TIMD4: variants seen among roughly 807,000 people sequenced by gnomAD.
The protein encoded by TIMD4 is T cell immunoglobulin and mucin domain containing 4.
In TIMD4, 31 loss-of-function variants were observed where a neutral mutation model predicts 41.2. The observed-to-expected ratio is 0.75, with a 90% CI of 0.57 to 1.01. The LOEUF (loss-of-function observed/expected upper bound fraction) is 1.01. TIMD4 is among the 50% of genes least tolerant of loss of function. The probability of loss-of-function intolerance (pLI) is 0.00; values close to 1 mark genes in which losing one functional copy is unlikely to be tolerated. For missense variants in TIMD4, 479 were observed against 472.5 expected (o/e 1.01, Z -0.13); for synonymous variants, 204 against 177.1 (o/e 1.15, Z -1.21).
Position 156,926,286 on chromosome 5 carries a change from T to TACAG in TIMD4, c.870_871insCTGT (p.Asn291LeufsTer2). On this transcript the variant is annotated frameshift_variant, in exon 6 of 9. Transcript: ENST00000274532. LOFTEE classifies it high-confidence loss of function. Reference sequence around the variant, plus strand: ...ACCTGTCCTGTTTTTGTTGTTTTGTTCTGCTCAGGAACTGCTGTATCAGAT... The same window carrying TACAG: ...ACCTGTCCTGTTTTTGTTGTTTTGTTACAGCTGCTCAGGAACTGCTGTATCAGAT... The TACAG allele has an allele frequency of 6.2e-7, 1 of 1,613,738 alleles. No homozygotes were observed. The highest frequency in any genetic ancestry group is 1.3e-5 in the African/African-American group (1 of 75,046).
chr5:156,919,466 A>T lies in TIMD4; in HGVS notation c.1128T>A (p.Phe376Leu), dbSNP rs1759195326. The T allele has an allele frequency of 6.2e-7, 1 of 1,613,790 alleles. No homozygotes were observed. The highest frequency in any genetic ancestry group is 1.3e-5 in the African/African-American group (1 of 74,940). ...ACATGCTACTGCGTTGTTAGAGGGT[A>T]AAAAGGCCGTCTTCGTCTTCCCTTC... The part of the protein sequence containing the change: ...QHGREDEDGL[F>L]TL The change falls in exon 9 of 9, where the codon TTT (phenylalanine) becomes TTA (leucine). Residue 376 changes from phenylalanine (F) to leucine (L), a missense_variant. Coordinates refer to ENST00000274532, the MANE Select transcript of TIMD4 (RefSeq NM_138379.3).
intron 5 of TIMD4, among the ~76,000 whole-genome samples, chr5:156,946,641 T>G (rs1188506251): frequency 6.6e-6 from 1 of 151,382 alleles, no homozygotes; most frequent in African/African-American, 2.4e-5. Flanking sequence ...CACGTCCACC[T>G]AATTTTTTTG....
rs150158171 is a variant in TIMD4 at position 156,928,490 on chromosome 5, G to A, written c.845-2178C>T. 4.0e-3 allele frequency among the ~76,000 whole-genome samples: 615 copies of A among 152,296 alleles called. 7 individuals are homozygous for A. The highest frequency in any genetic ancestry group is 0.013 in the African/African-American group (541 of 41,568). ...AAGGAAGAAAACATCCAGGAGGGATGTAAAGTCATATGTACAATAAAGTCT... is the reference window on the plus strand; with the variant it reads ...AAGGAAGAAAACATCCAGGAGGGATATAAAGTCATATGTACAATAAAGTCT... On this transcript the variant is annotated intron_variant, in intron 5 of 8. Coordinates refer to ENST00000274532, the MANE Select transcript of TIMD4 (RefSeq NM_138379.3).
Position 156,943,333 on chromosome 5 carries a change from C to T in TIMD4, c.844+5083G>A, listed in dbSNP as rs1264467025. Among the ~76,000 whole-genome samples, 7 of 152,318 alleles carry T rather than the reference C, an allele frequency of 4.6e-5. No individual in the cohort carries two copies. In the East Asian group the frequency reaches 9.6e-4, roughly 21 times the overall value. On this transcript the variant is annotated intron_variant, in intron 5 of 8. Coordinates refer to ENST00000274532, the MANE Select transcript of TIMD4 (RefSeq NM_138379.3). ...ACTTAACAGCCCTATACAATAAGTA[C>T]TACCGTTATCCCCATTTTACATTTT...
Position 156,944,370 on chromosome 5 carries a change from G to A in TIMD4, c.844+4046C>T, listed in dbSNP as rs537299463. ...TACAATTATGCATATCATTTCAGGAGGGTCATGCCCTTCCTGCAAGAAGCT... is the reference window on the plus strand; with the variant it reads ...TACAATTATGCATATCATTTCAGGAAGGTCATGCCCTTCCTGCAAGAAGCT... On this transcript the variant is annotated intron_variant, in intron 5 of 8. Transcript: ENST00000274532. 3.9e-5 allele frequency among the ~76,000 whole-genome samples: 6 copies of A among 152,278 alleles called. No homozygotes were observed. The South Asian group carries it at 8.3e-4, about 21-fold the overall frequency.
At chr5:156,926,116 G>A (rs1276001340) in intron 6 of TIMD4, 147 bp downstream of exon 6, 4 of 719,198 alleles carry the variant, frequency 5.6e-6, no homozygotes, top group Non-Finnish European at 9.0e-6. Flanking sequence ...GTTGGCCAGG[G>A]TGATCTCAAA....
intron 5 of TIMD4, among the ~76,000 whole-genome samples, chr5:156,929,229 CTG>C (rs1283809545): frequency 3.9e-5 from 6 of 152,200 alleles, no homozygotes; most frequent in Non-Finnish European, 7.3e-5. Flanking sequence ...TCCAGGTTGT[CTG>C]TGTTCCCCCA....
At chr5:156,920,248 A>G (rs1403796370) in intron 8 of TIMD4, among the ~76,000 whole-genome samples, 3 of 152,130 alleles carry the variant, frequency 2.0e-5, no homozygotes, top group Non-Finnish European at 4.4e-5. Flanking sequence ...TATTAATCCC[A>G]CCTGCCTTGG....
In TIMD4 at chr5:156,922,178, G is replaced by A. The variant is rs144013769; in HGVS notation, c.933C>T (p.Pro311=). The change falls in exon 7 of 9, where the codon CCC becomes CCT. Residue 311 remains proline (P), a synonymous_variant. Coordinates refer to ENST00000274532, the MANE Select transcript of TIMD4 (RefSeq NM_138379.3). The stretch of plus-strand genomic sequence containing the variant: ...CGATGATCATCAGTAGTTGGGAGAT[G>A]GGCATTTCATTCTTCATTGACATGG... ...GIPMSMKNEM[P]ISQLLMIIAP... 12 of 1,613,972 alleles carry A rather than the reference G, an allele frequency of 7.4e-6. No individual in the cohort carries two copies. The highest frequency in any genetic ancestry group is 1.0e-5 in the Non-Finnish European group (12 of 1,179,938).
rs79128699 is a variant in TIMD4, at chr5:156,936,398, T to C, written c.845-10086A>G. Among the ~76,000 whole-genome samples the C allele has an allele frequency of 2.3e-3, 353 of 152,306 alleles. 2 individuals carry two copies. Among genetic ancestry groups the C allele is most frequent in the African/African-American group, 8.3e-3 (343 of 41,572 alleles). Reference sequence around the variant, plus strand: ...CATGCCAAGTACAATGTGAAGTACTTCTCATGTTCTTAGTTAATTCTCAGA... The same window carrying C: ...CATGCCAAGTACAATGTGAAGTACTCCTCATGTTCTTAGTTAATTCTCAGA... On this transcript the variant is annotated intron_variant, in intron 5 of 8. Transcript: ENST00000274532.
At chr5:156,925,818 T>C (rs1242504405) in intron 6 of TIMD4, among the ~76,000 whole-genome samples, 20 of 152,262 alleles carry the variant, frequency 1.3e-4, no homozygotes, top group Admixed American at 1.3e-3. Flanking sequence ...GTTTCATAAT[T>C]GTTGCAATGA....
intron 5 of TIMD4, among the ~76,000 whole-genome samples, chr5:156,945,757 T>A (rs1324856773): frequency 1.3e-5 from 2 of 152,114 alleles, no homozygotes; most frequent in East Asian, 1.9e-4. Context: ...GAGAACCAGA[T>A]AAAATAAAAT....
In TIMD4 at chr5:156,951,582, G is replaced by A. The variant is rs1759856475; in HGVS notation, c.609C>T (p.Ser203=). 1.9e-6 allele frequency: 3 copies of A among 1,614,186 alleles called. No individual in the cohort carries two copies. In the East Asian group the frequency reaches 6.7e-5, roughly 36 times the overall value. The change falls in exon 3 of 9, where the codon AGC becomes AGT. Residue 203 remains serine (S), a synonymous_variant. Coordinates refer to ENST00000274532, the MANE Select transcript of TIMD4 (RefSeq NM_138379.3). ...GACCTGTGGCTTCCTCCGGAAGGGT[G>A]CTTGGGGTTAGTGAAAGGCACGTGT... ...TANTCLSLTP[S]TLPEEATGLL...
At chr5:156,925,517 GA>G (rs1452153032) in intron 6 of TIMD4, among the ~76,000 whole-genome samples, 1 of 152,144 alleles carries the variant, frequency 6.6e-6, no homozygotes, top group Non-Finnish European at 1.5e-5. Flanking sequence ...AGGGGATGGG[GA>G]AACTTTACTT....
At chr5:156,958,527 A>C (rs1434557831) in intron 1 of TIMD4, among the ~76,000 whole-genome samples, 3 of 152,194 alleles carry the variant, frequency 2.0e-5, no homozygotes, top group African/African-American at 7.2e-5. Context: ...GGTGTGAGTA[A>C]ACAGGACTCC....
At position 156,951,654 on chromosome 5, in the gene TIMD4, G is replaced by C. The variant is rs767513076; in HGVS notation, c.537C>G (p.Thr179=). 1 of 1,614,150 alleles carries C rather than the reference G, an allele frequency of 6.2e-7. No individual in the cohort carries two copies. Among genetic ancestry groups the C allele is most frequent in the Non-Finnish European group, 8.5e-7 (1 of 1,180,030 alleles). Residue 179 remains threonine, a synonymous_variant, in exon 3 of 9, where the codon ACC becomes ACG. Transcript: ENST00000274532. ...TTVVTTPDLT[T]GTPLQMTTIA... ...TGGTTGTCATCTGGAGTGGTGTTCC[G>C]GTTGTGAGATCGGGTGTGGTCACGA...
At position 156,947,213 on chromosome 5, in the gene TIMD4, T is replaced by C. The variant is rs190276831; in HGVS notation, c.844+1203A>G. Among the ~76,000 whole-genome samples the C allele has an allele frequency of 9.8e-3, 1,471 of 150,558 alleles. 26 individuals are homozygous for C. The highest frequency in any genetic ancestry group is 0.034 in the African/African-American group (1,393 of 41,004). On this transcript the variant is annotated intron_variant, in intron 5 of 8. Transcript: ENST00000274532. ...GCTCTGTCTCAAAAAAAAAATAAAATAGAAAGAAAGAAAAAAGAAAAGAAC... is the reference window on the plus strand; with the variant it reads ...GCTCTGTCTCAAAAAAAAAATAAAACAGAAAGAAAGAAAAAAGAAAAGAAC...
intron 1 of TIMD4, among the ~76,000 whole-genome samples, chr5:156,957,921 G>A (rs1366427934): frequency 6.6e-6 from 1 of 152,162 alleles, no homozygotes; most frequent in Non-Finnish European, 1.5e-5. Flanking sequence ...CCACTGGAGA[G>A]TCAACATTTT....
chr5:156,961,221 C>T (rs1753020285), intron 1 of TIMD4, among the ~76,000 whole-genome samples: 1 of 152,092 alleles, frequency 6.6e-6, no homozygotes, highest in South Asian at 2.1e-4. Context: ...ATCAAAAAGA[C>T]AAAAAGCAAG....
Sources: allele counts gnomAD v4.1 joint callset (sites outside exome capture counted in the v4.1 genomes callset), GRCh38; gene constraint gnomAD v4.1.1; transcripts MANE v1.5; gene names NCBI Gene and HGNC (gene_info 2026-07-23, HGNC 2026-07-21).